Variants in CGNL1 observed in about 807,000 individuals in gnomAD.
The protein encoded by CGNL1 is cingulin like 1.
CGNL1 carries 132 observed loss-of-function variants against 141.2 expected under a neutral mutation model. The ratio of observed to expected loss-of-function variants is 0.93; its 90% CI spans 0.81 to 1.08. CGNL1 has a LOEUF of 1.08. Among genes scored for constraint, CGNL1 ranks in the 50% least tolerant of loss-of-function variants. The pLI is 0.00. For synonymous variants in CGNL1, 690 were observed against 622.1 expected (o/e 1.11, Z -1.63); for missense variants, 1,870 against 1,588.6 (o/e 1.18, Z -3.01).
chr15:57,408,268 G>T (rs1252822501), intron 1 of CGNL1, among the ~76,000 whole-genome samples: 1 of 152,038 alleles, frequency 6.6e-6, no homozygotes, highest in African/African-American at 2.4e-5. Flanking sequence ...GGAAAACAGA[G>T]TTAAGTTTCT....
chr15:57,509,144 T>C (rs943688328), intron 8 of CGNL1, among the ~76,000 whole-genome samples: 1 of 152,032 alleles, frequency 6.6e-6, no homozygotes, highest in South Asian at 2.1e-4. Context: ...TCCACAGACA[T>C]GATGGTGAGA....
At position 57,545,649 on chromosome 15, in the gene CGNL1, G is replaced by A; in HGVS notation, c.3558G>A (p.Leu1186=). Residue 1186 remains leucine, a synonymous_variant, in exon 17 of 19, where the codon CTG becomes CTA. Transcript: ENST00000281282. ...GGCTGGAGCGGAAAGTGAAGGAGCT[G>A]GTGATGCAGGTGGATGATGAGCACC... The part of the protein sequence containing the change: ...NRRLERKVKE[L]VMQVDDEHLS... 1 of 1,613,788 alleles carries A rather than the reference G, an allele frequency of 6.2e-7. No individual in the cohort carries two copies. The highest frequency in any genetic ancestry group is 1.1e-5 in the South Asian group (1 of 90,988).
intron 1 of CGNL1, among the ~76,000 whole-genome samples, chr15:57,377,846 GAA>G (rs143315506): frequency 0.019 from 2,874 of 152,272 alleles, 36 homozygotes; most frequent in Non-Finnish European, 0.03. Context: ...ATTAAAAGGA[GAA>G]AAAATACTTT....
chr15:57,519,910 G>T (rs1163013667), intron 10 of CGNL1, among the ~76,000 whole-genome samples: 1 of 152,222 alleles, frequency 6.6e-6, no homozygotes, highest in African/African-American at 2.4e-5. Flanking sequence ...TACGGAAGTG[G>T]TTCCCCTGCT....
chr15:57,412,299 C>T (rs1302619157), intron 1 of CGNL1, among the ~76,000 whole-genome samples: 4 of 152,182 alleles, frequency 2.6e-5, no homozygotes, highest in Non-Finnish European at 5.9e-5. Flanking sequence ...ATCCTCAAGA[C>T]CTTTTCTGTA....
At chr15:57,391,879 G>A (rs1364361794) in intron 1 of CGNL1, among the ~76,000 whole-genome samples, 3 of 151,890 alleles carry the variant, frequency 2.0e-5, no homozygotes, top group Non-Finnish European at 4.4e-5. Context: ...TCCACAGGCA[G>A]GAAAAGAGGA....
chr15:57,461,950 C>G, intron 8 of CGNL1, 58 bp downstream of exon 8: 1 of 1,271,562 alleles, frequency 7.9e-7, no homozygotes, highest in East Asian at 2.3e-5. Flanking sequence ...AAGACCCTCT[C>G]TCCCACACCA....
In CGNL1 at chr15:57,543,736, C is replaced by A; in HGVS notation, c.3332C>A (p.Ala1111Glu). Residue 1111 changes from alanine (A) to glutamate (E), a missense_variant, in exon 15 of 19, where the codon GCG becomes GAG. By Grantham distance (107) the Ala-to-Glu change is moderately radical. Transcript: ENST00000281282. ...LRNELLQERA[A>E]RQDLECDKIS... The stretch of plus-strand genomic sequence containing the variant: ...AATGAGCTACTTCAGGAGAGAGCTG[C>A]GAGACAAGACTTGGAGTGCGACAAG... 6.2e-7 allele frequency: 1 copy of A among 1,613,948 alleles called. No individual in the cohort carries two copies. Among genetic ancestry groups the A allele is most frequent in the Non-Finnish European group, 8.5e-7 (1 of 1,179,930 alleles).
At chr15:57,408,353 T>C (rs1019246125) in intron 1 of CGNL1, among the ~76,000 whole-genome samples, 8 of 152,068 alleles carry the variant, frequency 5.3e-5, no homozygotes, top group Non-Finnish European at 1.2e-4. Context: ...TAGACATCCT[T>C]ATCTTGAATG....
chr15:57,408,257 G>C (rs898563715), intron 1 of CGNL1, among the ~76,000 whole-genome samples: 9 of 152,036 alleles, frequency 5.9e-5, no homozygotes, highest in Admixed American at 1.3e-4. Context: ...TTTTGGTAAA[G>C]GGAAAACAGA....
rs563205046 is a variant in CGNL1, at chr15:57,473,665, C to T, written c.2403+11773C>T. Among the ~76,000 whole-genome samples, 21 of 152,220 alleles carry T rather than the reference C, an allele frequency of 1.4e-4. No homozygotes were observed. The South Asian group carries it at 3.9e-3, about 29-fold the overall frequency. On this transcript the variant is annotated intron_variant, in intron 8 of 18. Transcript: ENST00000281282. Reference sequence around the variant, plus strand: ...CATGGATCTCTTGCTGTGGAGGAAGCCAGCTGCCATGTTGTAAGTGCACTT... The same window carrying T: ...CATGGATCTCTTGCTGTGGAGGAAGTCAGCTGCCATGTTGTAAGTGCACTT...
intron 14 of CGNL1, among the ~76,000 whole-genome samples, chr15:57,540,016 A>C (rs541647689): frequency 3.3e-5 from 5 of 152,328 alleles, no homozygotes; most frequent in African/African-American, 9.6e-5. Flanking sequence ...CAGCTGTCAC[A>C]GTATGATTTT....
At position 57,398,011 on chromosome 15, in the gene CGNL1, G is replaced by T. The variant is rs189873646; in HGVS notation, c.-16+21444G>T. Among the ~76,000 whole-genome samples, 448 of 152,286 alleles carry T rather than the reference G, an allele frequency of 2.9e-3. 1 individual carries two copies. The highest frequency in any genetic ancestry group is 7.7e-3 in the Admixed American group (118 of 15,292). ...TTGGTCAGGCTGGTCTTGAACTCCTGACCTCGAGATGCGCCTGCCTCAGCT... is the reference window on the plus strand; with the variant it reads ...TTGGTCAGGCTGGTCTTGAACTCCTTACCTCGAGATGCGCCTGCCTCAGCT... On this transcript the variant is annotated intron_variant, in intron 1 of 18. Coordinates refer to ENST00000281282, the MANE Select transcript of CGNL1 (RefSeq NM_032866.5).
At chr15:57,499,472 A>G (rs2152387084) in intron 8 of CGNL1, among the ~76,000 whole-genome samples, 1 of 152,236 alleles carries the variant, frequency 6.6e-6, no homozygotes, top group Non-Finnish European at 1.5e-5. Context: ...TCCTGACCTC[A>G]AGTGATCTGC....
chr15:57,476,087 A>G (rs56196574), intron 8 of CGNL1, among the ~76,000 whole-genome samples: 21,871 of 152,014 alleles, frequency 0.14, 1,606 homozygotes, highest in Middle Eastern at 0.23. Flanking sequence ...TCTGCTCTCA[A>G]CTCTTCCCCA....
chr15:57,527,323 C>T (rs1449787867), intron 12 of CGNL1: 1 of 152,256 alleles, frequency 6.6e-6, no homozygotes, highest in Non-Finnish European at 1.5e-5. Flanking sequence ...AAGCTGTCCT[C>T]AACTACTGGG....
chr15:57,489,485 A>G (rs2063828877), intron 8 of CGNL1, among the ~76,000 whole-genome samples: 1 of 152,230 alleles, frequency 6.6e-6, no homozygotes, highest in African/African-American at 2.4e-5. Context: ...TTTCTAATGG[A>G]TAGAAAATAG....
At chr15:57,493,809 A>G (rs1432127549) in intron 8 of CGNL1, among the ~76,000 whole-genome samples, 2 of 152,218 alleles carry the variant, frequency 1.3e-5, no homozygotes, top group Non-Finnish European at 1.5e-5. Context: ...CTATGGTTAT[A>G]ATAGGTGCAT....
chr15:57,507,442 A>G (rs576231413), intron 8 of CGNL1, among the ~76,000 whole-genome samples: 1 of 152,272 alleles, frequency 6.6e-6, no homozygotes, highest in South Asian at 2.1e-4. Flanking sequence ...AAGCATGTTG[A>G]CTTATTTCCT....
Sources: gnomAD v4.1 joint callset for allele counts (sites outside exome capture counted in the v4.1 genomes callset) on GRCh38, gnomAD v4.1.1 for gene constraint, MANE v1.5 for transcripts, NCBI Gene and HGNC (gene_info 2026-07-23, HGNC 2026-07-21) for gene names.